Variants in EHBP1 observed in about 807,000 individuals in gnomAD.
EHBP1 encodes the protein EH domain-binding protein 1.
EHBP1 carries 55 observed loss-of-function variants against 144.0 expected under a neutral mutation model. The observed-to-expected ratio is 0.38, with a 90% CI of 0.31 to 0.48. The LOEUF (loss-of-function observed/expected upper bound fraction) is 0.48, where lower values mean the gene tolerates loss of function less well. EHBP1 is among the 20% of genes least tolerant of loss of function. EHBP1 has a pLI of 0.98. For missense variants in EHBP1, 1,200 were observed against 1,364.2 expected (o/e 0.88, Z 1.90); for synonymous variants, 469 against 472.7 (o/e 0.99, Z 0.10).
chr2:62,712,125 G>T (rs1029659166), intron 2 of EHBP1, among the ~76,000 whole-genome samples: 2 of 152,148 alleles, frequency 1.3e-5, no homozygotes, highest in African/African-American at 2.4e-5. Flanking sequence ...GTAACCTTAG[G>T]ACAGAAAAGT....
chr2:62,983,686 ACCCG>A lies in EHBP1; in HGVS notation c.2608+4352_2608+4355del, dbSNP rs1188705723. On this transcript the variant is annotated intron_variant, in intron 15 of 22. Coordinates refer to ENST00000431489, the MANE Select transcript of EHBP1 (RefSeq NM_001142616.3). ...CTCCCGAGTAGCTGGAATTACAGGC[ACCCG>A]GCCACCATGCCCAGCTAATTTTTGT... Among the ~76,000 whole-genome samples, 6 of 152,076 alleles carry A rather than the reference ACCCG, an allele frequency of 3.9e-5. No homozygotes were observed. The South Asian group carries it at 8.3e-4, about 21-fold the overall frequency.
At chr2:62,808,154 T>A (rs2152519387) in intron 5 of EHBP1, among the ~76,000 whole-genome samples, 1 of 152,004 alleles carries the variant, frequency 6.6e-6, no homozygotes, top group Admixed American at 6.5e-5. Flanking sequence ...ATCTGTGGTT[T>A]AATGTCTGAC....
intron 20 of EHBP1, 142 bp from the exon 21 acceptor site, chr2:63,038,601 T>G (rs1396966323): frequency 1.6e-6 from 1 of 643,026 alleles, no homozygotes; most frequent in African/African-American, 1.8e-5. Context: ...GGTTTTAGGT[T>G]TGTGTATCAT....
At chr2:62,981,072 A>G in intron 15 of EHBP1, among the ~76,000 whole-genome samples, 1 of 147,650 alleles carries the variant, frequency 6.8e-6, no homozygotes, top group African/African-American at 2.5e-5. Context: ...GCTGTCTCAA[A>G]AAAAAAAAAA....
intron 15 of EHBP1, among the ~76,000 whole-genome samples, chr2:62,985,822 CT>C (rs1292597028): frequency 6.6e-6 from 1 of 152,148 alleles, no homozygotes; most frequent in African/African-American, 2.4e-5. Context: ...ATCTCTTTAT[CT>C]TTTGAATTTG....
At chr2:63,024,063 C>T (rs2060868831) in intron 19 of EHBP1, among the ~76,000 whole-genome samples, 1 of 151,956 alleles carries the variant, frequency 6.6e-6, no homozygotes, top group African/African-American at 2.4e-5. Context: ...GTGGGAGGAT[C>T]AGCCAGGCGC....
Position 63,019,694 on chromosome 2 carries a change from G to A in EHBP1, c.3104-17841G>A, listed in dbSNP as rs571131216. 1.1e-4 allele frequency among the ~76,000 whole-genome samples: 16 copies of A among 145,518 alleles called. No homozygotes were observed. The South Asian group carries it at 1.4e-3, about 12-fold the overall frequency. On this transcript the variant is annotated intron_variant, in intron 19 of 22. Coordinates refer to ENST00000431489, the MANE Select transcript of EHBP1 (RefSeq NM_001142616.3). ...TGCACTCCAGCCTGGGCAACAGAGC[G>A]AGACTCCATCTCAAAAAAAGAAAAA...
At position 62,875,210 on chromosome 2, in the gene EHBP1, G is replaced by A. The variant is rs539756079; in HGVS notation, c.1185+678G>A. On this transcript the variant is annotated intron_variant, in intron 10 of 22. Coordinates refer to ENST00000431489, the MANE Select transcript of EHBP1 (RefSeq NM_001142616.3). The stretch of plus-strand genomic sequence containing the variant: ...GCATGAACCTCACTGCTGCCACCCC[G>A]ATGAAATGCTTTTGCCAGCACCCCA... Among the ~76,000 whole-genome samples, 141 of 152,252 alleles carry A rather than the reference G, an allele frequency of 9.3e-4. 2 individuals carry two copies. The highest frequency in any genetic ancestry group is 3.2e-3 in the African/African-American group (134 of 41,558).
chr2:62,738,530 T>A (rs957178332), intron 2 of EHBP1, among the ~76,000 whole-genome samples: 1 of 152,154 alleles, frequency 6.6e-6, no homozygotes, highest in South Asian at 2.1e-4. Flanking sequence ...TTTCCTCACC[T>A]GGAGGCCACA....
intron 5 of EHBP1, among the ~76,000 whole-genome samples, chr2:62,818,709 CA>C (rs1262521894): frequency 6.6e-6 from 1 of 152,074 alleles, no homozygotes; most frequent in Non-Finnish European, 1.5e-5. Flanking sequence ...AAATAGAAAA[CA>C]TTGACTAGAA....
rs555806478 is a variant in EHBP1 at position 62,855,996 on chromosome 2, GC to G, written c.635-3172del. Among the ~76,000 whole-genome samples, 287 of 152,244 alleles carry G rather than the reference GC, an allele frequency of 1.9e-3. 1 individual carries two copies. The highest frequency in any genetic ancestry group is 6.6e-3 in the African/African-American group (276 of 41,556). Reference sequence around the variant, plus strand: ...CTCCAGGGTCTCCTCCCTGCTAGGAGCTGAACACTCTTCAGGACACCCTGCT... The same window carrying G: ...CTCCAGGGTCTCCTCCCTGCTAGGAGTGAACACTCTTCAGGACACCCTGCT... On this transcript the variant is annotated intron_variant, in intron 7 of 22. Transcript: ENST00000431489.
upstream of EHBP1, among the ~76,000 whole-genome samples, chr2:62,702,705 G>C (rs2034314119): frequency 6.6e-6 from 1 of 152,170 alleles, no homozygotes; most frequent in Non-Finnish European, 1.5e-5. Flanking sequence ...CCTTGAGGTA[G>C]CGATGTTTGG....
chr2:62,793,882 G>C (rs920507574), intron 5 of EHBP1, among the ~76,000 whole-genome samples: 2 of 152,190 alleles, frequency 1.3e-5, no homozygotes. Flanking sequence ...AGAGGAAAAG[G>C]AATCTGTTTT....
At chr2:62,836,473 C>T (rs1415381494) in intron 7 of EHBP1, among the ~76,000 whole-genome samples, 1 of 140,698 alleles carries the variant, frequency 7.1e-6, no homozygotes, top group Non-Finnish European at 1.5e-5. Context: ...TCACCAGCAA[C>T]GGAACAAAGC....
intron 8 of EHBP1, among the ~76,000 whole-genome samples, chr2:62,860,196 A>T (rs1243036009): frequency 6.6e-6 from 1 of 152,204 alleles, no homozygotes; most frequent in Non-Finnish European, 1.5e-5. Context: ...TAAATCTTAA[A>T]AAGGTTACAA....
chr2:63,030,637 A>G (rs1006493706), intron 19 of EHBP1, among the ~76,000 whole-genome samples: 18 of 150,736 alleles, frequency 1.2e-4, no homozygotes, highest in Non-Finnish European at 2.4e-4. Flanking sequence ...ACAGGCGCCC[A>G]CCACCACACC....
At chr2:62,799,831 GTT>G (rs1204929463) in intron 5 of EHBP1, among the ~76,000 whole-genome samples, 1 of 152,196 alleles carries the variant, frequency 6.6e-6, no homozygotes, top group Non-Finnish European at 1.5e-5. Context: ...TAACAGTGGT[GTT>G]TTATCTATAT....
chr2:62,873,064 G>C (rs570627403), intron 9 of EHBP1, among the ~76,000 whole-genome samples: 1 of 152,150 alleles, frequency 6.6e-6, no homozygotes, highest in Admixed American at 6.5e-5. Context: ...CTTGGCAAAT[G>C]CAAGTGTTAA....
intron 19 of EHBP1, among the ~76,000 whole-genome samples, chr2:63,010,035 A>C (rs190848361): frequency 7.9e-5 from 12 of 151,590 alleles, no homozygotes; most frequent in Non-Finnish European, 1.8e-4. Context: ...GGACCTCAGT[A>C]AGTGATAAGG....
Sources: allele counts gnomAD v4.1 joint callset (sites outside exome capture counted in the v4.1 genomes callset), GRCh38; gene constraint gnomAD v4.1.1; transcripts MANE v1.5; gene names NCBI Gene and HGNC (gene_info 2026-07-23, HGNC 2026-07-21).